CSMD1: variants seen among roughly 807,000 people sequenced by gnomAD.
CSMD1 encodes the protein CUB and sushi domain-containing protein 1.
CSMD1 carries 213 observed loss-of-function variants against 417.5 expected under a neutral mutation model. The observed-to-expected ratio is 0.51, with a 90% CI of 0.46 to 0.57. The LOEUF (loss-of-function observed/expected upper bound fraction) is 0.57. Ranked by LOEUF, CSMD1 falls within the 20% of genes least tolerant of loss-of-function variation. The pLI is 0.00. For synonymous variants in CSMD1, 2,862 were observed against 1,736.8 expected (o/e 1.65, Z -16.11); for missense variants, 6,923 against 4,529.7 (o/e 1.53, Z -15.17).
At chr8:3,771,503 A>T (rs1263116380) in intron 5 of CSMD1, among the ~76,000 whole-genome samples, 1 of 152,128 alleles carries the variant, frequency 6.6e-6, no homozygotes, top group Non-Finnish European at 1.5e-5. Context: ...TCGAACACAC[A>T]ACAGTTTGGA....
intron 3 of CSMD1, among the ~76,000 whole-genome samples, chr8:4,418,107 G>A (rs977534452): frequency 6.6e-6 from 1 of 151,570 alleles, no homozygotes; most frequent in Admixed American, 6.6e-5. Flanking sequence ...TTTTGGTTTA[G>A]CCAACAAAGC....
chr8:3,154,056 T>C (rs913922422), intron 39 of CSMD1, among the ~76,000 whole-genome samples: 27 of 152,296 alleles, frequency 1.8e-4, no homozygotes, highest in African/African-American at 6.5e-4. Flanking sequence ...AACCTCCGCC[T>C]CCCTGGTTCA....
intron 2 of CSMD1, among the ~76,000 whole-genome samples, chr8:4,458,389 T>C (rs545142173): frequency 1.3e-5 from 2 of 152,296 alleles, no homozygotes; most frequent in African/African-American, 4.8e-5. Flanking sequence ...CTAAAGTTAT[T>C]ACAAGTTTAT....
chr8:3,646,745 G>A (rs1420674255), intron 7 of CSMD1, among the ~76,000 whole-genome samples: 2 of 152,074 alleles, frequency 1.3e-5, no homozygotes, highest in Non-Finnish European at 2.9e-5. Context: ...CTCTGAGGCT[G>A]GAAAGAACGT....
At chr8:3,635,812 A>AAAAAAAG (rs1554495065) in intron 7 of CSMD1, among the ~76,000 whole-genome samples, 9 of 117,650 alleles carry the variant, frequency 7.6e-5, no homozygotes, top group African/African-American at 3.0e-4. Flanking sequence ...AAAAAAAAAA[A>AAAAAAAG]AAAGAAAGAA....
At chr8:4,749,999 A>T (rs1023315755) in intron 1 of CSMD1, among the ~76,000 whole-genome samples, 13 of 151,652 alleles carry the variant, frequency 8.6e-5, no homozygotes, top group African/African-American at 1.2e-4. Flanking sequence ...AATTGAAAAA[A>T]AAATAATAAT....
At chr8:3,888,877 A>T (rs1806748740) in intron 5 of CSMD1, among the ~76,000 whole-genome samples, 1 of 152,136 alleles carries the variant, frequency 6.6e-6, no homozygotes, top group South Asian at 2.1e-4. Flanking sequence ...CTGTGACTTC[A>T]ATATCAATGA....
chr8:4,687,137 C>G (rs1052924494), intron 1 of CSMD1, among the ~76,000 whole-genome samples: 1 of 152,190 alleles, frequency 6.6e-6, no homozygotes, highest in Non-Finnish European at 1.5e-5. Flanking sequence ...AGACCATGGG[C>G]CAGGGAAGAG....
rs116025790 is a variant in CSMD1 at position 3,754,227 on chromosome 8, A to G, written c.819-185T>C. Among the ~76,000 whole-genome samples the G allele has an allele frequency of 7.9e-3, 1,200 of 152,240 alleles. 17 individuals are homozygous for G. Among genetic ancestry groups the G allele is most frequent in the African/African-American group, 0.027 (1,136 of 41,542 alleles). On this transcript the variant is annotated intron_variant, in intron 5 of 69. Coordinates refer to ENST00000635120, the MANE Select transcript of CSMD1 (RefSeq NM_033225.6). ...ATGATTTTATCTTTGCCCAAACATAAATGCTAAATCCCTAGATGGAATGAA... is the reference window on the plus strand; with the variant it reads ...ATGATTTTATCTTTGCCCAAACATAGATGCTAAATCCCTAGATGGAATGAA...
chr8:4,157,657 G>A (rs189563744), intron 3 of CSMD1, among the ~76,000 whole-genome samples: 1 of 152,310 alleles, frequency 6.6e-6, no homozygotes, highest in African/African-American at 2.4e-5. Context: ...CTGTTATCTG[G>A]GCATGGGGTG....
intron 3 of CSMD1, among the ~76,000 whole-genome samples, chr8:4,156,138 C>A (rs1358583918): frequency 6.6e-6 from 1 of 152,134 alleles, no homozygotes; most frequent in South Asian, 2.1e-4. Flanking sequence ...GTCCCTCTGC[C>A]TCACACCACC....
intron 7 of CSMD1, among the ~76,000 whole-genome samples, chr8:3,701,637 G>C (rs543509578): frequency 6.6e-6 from 1 of 151,966 alleles, no homozygotes; most frequent in Non-Finnish European, 1.5e-5. Flanking sequence ...ATTATAAGTA[G>C]ATAAATACAA....
chr8:2,991,526 C>A (rs1197587658), intron 54 of CSMD1, among the ~76,000 whole-genome samples: 2 of 152,132 alleles, frequency 1.3e-5, no homozygotes, highest in Admixed American at 1.3e-4. Flanking sequence ...GAAAACATTT[C>A]TTTAAAAAAC....
Position 4,672,324 on chromosome 8 carries a change from G to A in CSMD1, c.86-34766C>T, listed in dbSNP as rs772129501. Reference sequence around the variant, plus strand: ...TCTAGAACTTCATTTCTCAACCTAGGGTAAAAGGTGAGATGGGTTGGATGC... The same window carrying A: ...TCTAGAACTTCATTTCTCAACCTAGAGTAAAAGGTGAGATGGGTTGGATGC... On this transcript the variant is annotated intron_variant, in intron 1 of 69. Coordinates refer to ENST00000635120, the MANE Select transcript of CSMD1 (RefSeq NM_033225.6). 2.6e-5 allele frequency among the ~76,000 whole-genome samples: 4 copies of A among 152,218 alleles called. No homozygotes were observed. In the South Asian group the frequency reaches 6.2e-4, roughly 24 times the overall value.
At chr8:4,235,677 G>A (rs2128817566) in intron 3 of CSMD1, among the ~76,000 whole-genome samples, 1 of 152,232 alleles carries the variant, frequency 6.6e-6, no homozygotes, top group Middle Eastern at 3.4e-3. Flanking sequence ...TCAGCCTGTT[G>A]CCATGTTTTC....
intron 2 of CSMD1, among the ~76,000 whole-genome samples, chr8:4,487,865 C>G (rs1221815969): frequency 1.3e-5 from 2 of 152,130 alleles, no homozygotes; most frequent in South Asian, 2.1e-4. Context: ...ATCTGTAAAA[C>G]CAGACACTTA....
rs372242426 is a variant in CSMD1, at chr8:4,494,314, G to C, written c.303-74249C>G. ...CATAGACAAAACATGTAGGTTAGTAGTTATTTTCATGGCCATGGTAAATTG... is the reference window on the plus strand; with the variant it reads ...CATAGACAAAACATGTAGGTTAGTACTTATTTTCATGGCCATGGTAAATTG... On this transcript the variant is annotated intron_variant, in intron 2 of 69. Transcript: ENST00000635120. Among the ~76,000 whole-genome samples the C allele has an allele frequency of 2.3e-4, 35 of 152,264 alleles. No individual in the cohort carries two copies. The South Asian group carries it at 7.0e-3, about 31-fold the overall frequency.
At chr8:4,414,345 A>G (rs116409847) in intron 3 of CSMD1, among the ~76,000 whole-genome samples, 192 of 152,320 alleles carry the variant, frequency 1.3e-3, no homozygotes, top group African/African-American at 3.8e-3. Flanking sequence ...AGGTCTCTCT[A>G]GCAGCCCAGA....
chr8:4,693,822 G>A (rs1806939992), intron 1 of CSMD1, among the ~76,000 whole-genome samples: 1 of 17,650 alleles, frequency 5.7e-5, no homozygotes, highest in African/African-American at 7.4e-4. Context: ...GACCACAGGT[G>A]TGCACCTCCA....
Sources: allele counts gnomAD v4.1 joint callset (sites outside exome capture counted in the v4.1 genomes callset), GRCh38; gene constraint gnomAD v4.1.1; transcripts MANE v1.5; gene names NCBI Gene and HGNC (gene_info 2026-07-23, HGNC 2026-07-21).